RANBP2: variants seen among roughly 807,000 people sequenced by gnomAD.
RANBP2 encodes RAN binding protein 2.
RANBP2 carries 57 observed loss-of-function variants against 303.6 expected under a neutral mutation model. The observed-to-expected ratio is 0.19, with a 90% CI of 0.15 to 0.23. RANBP2 has a LOEUF of 0.23. RANBP2 is among the 10% of genes least tolerant of loss of function. RANBP2 has a pLI of 1.00. For synonymous variants in RANBP2, 1,167 were observed against 1,301.5 expected (o/e 0.90, Z 2.23); for missense variants, 3,138 against 3,780.8 (o/e 0.83, Z 4.46).
chr2:109,558,584 T>C, the RANBP2 span, among the ~76,000 whole-genome samples: 1 of 152,188 alleles, frequency 6.6e-6, no homozygotes, highest in African/African-American at 2.4e-5. Flanking sequence ...GATCAGTTAA[T>C]TAAACTATGA....
At position 108,719,689 on chromosome 2, in the gene RANBP2, C is replaced by T. The variant is rs113447280; in HGVS notation, c.72+11C>T. 3 of 1,597,448 alleles carry T rather than the reference C, an allele frequency of 1.9e-6. No homozygotes were observed. In the South Asian group the frequency reaches 3.4e-5, roughly 18 times the overall value. ...CCGTCGCCTCGACAGGTGAGTGGGT[C>T]TCGAAGAGACCGACGGCCTCGACCT... On this transcript the variant is annotated intron_variant, in intron 1 of 28. Coordinates refer to ENST00000283195, the MANE Select transcript of RANBP2 (RefSeq NM_006267.5).
the RANBP2 span, among the ~76,000 whole-genome samples, chr2:109,647,622 C>T: frequency 3.1e-4 from 47 of 152,166 alleles, 2 homozygotes; most frequent in Middle Eastern, 3.4e-3. Context: ...TTGCCTGACA[C>T]CATGCCCAGC....
the RANBP2 span, among the ~76,000 whole-genome samples, chr2:108,898,594 A>G: frequency 6.6e-6 from 1 of 152,264 alleles, no homozygotes; most frequent in East Asian, 1.9e-4. Flanking sequence ...GAGTAAAAAA[A>G]GAAAATCAAT....
At chr2:109,385,981 G>A in the RANBP2 span, among the ~76,000 whole-genome samples, 1 of 152,226 alleles carries the variant, frequency 6.6e-6, no homozygotes. Context: ...TTTGGGTTAA[G>A]TTGGGGTTTT....
the RANBP2 span, chr2:108,873,579 TC>T: frequency 6.3e-7 from 1 of 1,593,578 alleles, no homozygotes; most frequent in Non-Finnish European, 8.6e-7. Flanking sequence ...ACAGAAACTT[TC>T]CAAAATCAAG....
the RANBP2 span, among the ~76,000 whole-genome samples, chr2:108,974,819 TGGCAGAGCTGGG>T: frequency 6.6e-6 from 1 of 152,044 alleles, no homozygotes; most frequent in South Asian, 2.1e-4. Context: ...AGCCAGCAAA[TGGCAGAGCTGGG>T]GTCTAGCTCT....
chr2:109,654,294 GAAGTCTACAAAAC>G, the RANBP2 span, among the ~76,000 whole-genome samples: 2 of 151,876 alleles, frequency 1.3e-5, no homozygotes, highest in Non-Finnish European at 2.9e-5. Context: ...TTGTAATTTG[GAAGTCTACAAAAC>G]TAGGTTTGGG....
chr2:109,636,572 A>G, the RANBP2 span, among the ~76,000 whole-genome samples: 23,299 of 152,204 alleles, frequency 0.15, 2,202 homozygotes, highest in Non-Finnish European at 0.22. Context: ...ACAGAATGCA[A>G]CATGTGACTC....
At chr2:108,740,402 ATTT>A in intron 6 of RANBP2, 84 bp from the exon 7 acceptor site, 2 of 1,577,900 alleles carry the variant, frequency 1.3e-6, no homozygotes, top group South Asian at 2.2e-5. Context: ...TTGAAATAAA[ATTT>A]TTATTTTGTT....
chr2:109,619,941 C>G, the RANBP2 span, among the ~76,000 whole-genome samples: 2 of 152,140 alleles, frequency 1.3e-5, no homozygotes, highest in African/African-American at 2.4e-5. Flanking sequence ...ACTTGTTTCT[C>G]AAGATACAGA....
chr2:109,029,924 A>G, the RANBP2 span, among the ~76,000 whole-genome samples: 3 of 152,138 alleles, frequency 2.0e-5, no homozygotes, highest in African/African-American at 7.2e-5. Context: ...ATACTATACT[A>G]ATAACCCTCT....
the RANBP2 span, among the ~76,000 whole-genome samples, chr2:109,471,374 G>C: frequency 1.2e-4 from 18 of 152,298 alleles, no homozygotes; most frequent in African/African-American, 4.3e-4. Context: ...GGCGGCAGGA[G>C]AGAGAAGAGA....
the RANBP2 span, among the ~76,000 whole-genome samples, chr2:108,903,239 G>C: frequency 6.6e-6 from 1 of 152,056 alleles, no homozygotes; most frequent in Non-Finnish European, 1.5e-5. Context: ...AAAAATTAAA[G>C]TTGTGCTAAA....
chr2:109,614,222 G>A, the RANBP2 span: 1 of 924,326 alleles, frequency 1.1e-6, no homozygotes, highest in East Asian at 4.0e-5. Flanking sequence ...GCCTTGAGGC[G>A]AGGCCGCCCT....
chr2:108,853,527 T>G, the RANBP2 span, among the ~76,000 whole-genome samples: 2 of 149,514 alleles, frequency 1.3e-5, no homozygotes, highest in Non-Finnish European at 3.0e-5. Context: ...CTGATAGCTT[T>G]CTTTTTTTTT....
the RANBP2 span, among the ~76,000 whole-genome samples, chr2:109,384,893 C>T: frequency 2.6e-5 from 4 of 152,208 alleles, no homozygotes; most frequent in African/African-American, 9.6e-5. Context: ...AGTTCATTCT[C>T]ACACAGCCAT....
At chr2:109,550,415 C>T in the RANBP2 span, among the ~76,000 whole-genome samples, 2 of 151,578 alleles carry the variant, frequency 1.3e-5, no homozygotes, top group Non-Finnish European at 2.9e-5. Flanking sequence ...TGTGTTCAGG[C>T]GATTCTCCTG....
chr2:108,724,085 C>G (rs1485309518), intron 1 of RANBP2, among the ~76,000 whole-genome samples: 1 of 152,186 alleles, frequency 6.6e-6, no homozygotes. Context: ...TATCTCATGT[C>G]CTCTTCATTT....
At chr2:109,545,630 A>C in the RANBP2 span, 1 of 1,519,372 alleles carries the variant, frequency 6.6e-7, no homozygotes, top group Admixed American at 2.0e-5. Context: ...ATAAAATACT[A>C]TCTTATGTCT....
Sources: allele counts gnomAD v4.1 joint callset (sites outside exome capture counted in the v4.1 genomes callset), GRCh38; gene constraint gnomAD v4.1.1; transcripts MANE v1.5; gene names NCBI Gene and HGNC (gene_info 2026-07-23, HGNC 2026-07-21).